The following FGGY variants were observed in gnomAD, a reference collection of about 807,000 sequenced individuals.
The protein encoded by FGGY is FGGY carbohydrate kinase domain-containing protein.
FGGY carries 72 observed loss-of-function variants against 71.3 expected under a neutral mutation model. The observed-to-expected ratio is 1.01, with a 90% CI of 0.84 to 1.23. The LOEUF is 1.23. Among genes scored for constraint, FGGY ranks in the 50% most tolerant of loss-of-function variants. The probability of loss-of-function intolerance (pLI) is 0.00; values close to 1 mark genes in which losing one functional copy is unlikely to be tolerated. For missense variants in FGGY, 668 were observed against 682.3 expected (o/e 0.98, Z 0.23); for synonymous variants, 251 against 250.3 (o/e 1.00, Z -0.02).
chr1:59,561,827 T>C (rs892675729), intron 8 of FGGY, among the ~76,000 whole-genome samples: 1 of 152,102 alleles, frequency 6.6e-6, no homozygotes, highest in African/African-American at 2.4e-5. Context: ...TTCAGCTGTA[T>C]AGCTTCCCTC....
chr1:59,525,773 C>T (rs1206573163), intron 7 of FGGY, among the ~76,000 whole-genome samples: 1 of 152,202 alleles, frequency 6.6e-6, no homozygotes, highest in African/African-American at 2.4e-5. Flanking sequence ...CGTTCATAAA[C>T]TCCCATTTAA....
intron 4 of FGGY, among the ~76,000 whole-genome samples, chr1:59,350,536 C>G (rs138952827): frequency 1.1e-3 from 166 of 152,196 alleles, no homozygotes; most frequent in Middle Eastern, 3.4e-3. Context: ...GTAGGTGAGT[C>G]CCAGGGCATG....
intron 8 of FGGY, among the ~76,000 whole-genome samples, chr1:59,600,607 G>A (rs188068586): frequency 1.5e-4 from 23 of 152,290 alleles, no homozygotes; most frequent in Admixed American, 2.0e-4. Flanking sequence ...CTTTTCCACC[G>A]TCCCAGAAAG....
At chr1:59,340,684 C>T (rs1355351596) in intron 3 of FGGY, among the ~76,000 whole-genome samples, 1 of 152,044 alleles carries the variant, frequency 6.6e-6, no homozygotes, top group African/African-American at 2.4e-5. Flanking sequence ...TAAGGTTGTC[C>T]CTTTTGGGGA....
intron 4 of FGGY, among the ~76,000 whole-genome samples, chr1:59,360,875 C>A (rs1019549001): frequency 2.0e-5 from 3 of 152,142 alleles, no homozygotes; most frequent in African/African-American, 7.2e-5. Context: ...TGGGAACAGT[C>A]TGAGAGACAC....
intron 7 of FGGY, among the ~76,000 whole-genome samples, chr1:59,540,930 C>G (rs973297776): frequency 6.6e-6 from 1 of 152,188 alleles, no homozygotes; most frequent in African/African-American, 2.4e-5. Context: ...ATGTTAAATT[C>G]TACTCCCACC....
At chr1:59,310,095 A>T (rs1359272185) in intron 1 of FGGY, 1 of 152,092 alleles carries the variant, frequency 6.6e-6, no homozygotes, top group African/African-American at 2.4e-5. Context: ...GCATGATCGC[A>T]TGGAGAATGG....
chr1:59,305,984 C>A (rs757905262), intron 1 of FGGY, among the ~76,000 whole-genome samples: 2 of 152,180 alleles, frequency 1.3e-5, no homozygotes, highest in Non-Finnish European at 2.9e-5. Context: ...CTGGGCTTGG[C>A]CTGTGTTCAT....
In FGGY at chr1:59,492,809, C is replaced by T. The variant is rs533461319; in HGVS notation, c.671-19502C>T. Among the ~76,000 whole-genome samples, 80 of 151,952 alleles carry T rather than the reference C, an allele frequency of 5.3e-4. No homozygotes were observed. In the South Asian group the frequency reaches 8.3e-3, roughly 16 times the overall value. On this transcript the variant is annotated intron_variant, in intron 6 of 15. Coordinates refer to ENST00000303721, the MANE Select transcript of FGGY (RefSeq NM_018291.5). ...TCAGCCAGTTTTACTATTTTCAGTC[C>T]CTCTTTACTCTCACTTCTAGAGATA...
intron 11 of FGGY, among the ~76,000 whole-genome samples, chr1:59,639,677 T>A (rs879368993): frequency 1.3e-5 from 2 of 152,230 alleles, no homozygotes; most frequent in African/African-American, 2.4e-5. Context: ...ATTTAAAATG[T>A]TGAAGCAGTT....
chr1:59,544,435 C>T (rs950067961), intron 7 of FGGY, among the ~76,000 whole-genome samples: 3 of 152,106 alleles, frequency 2.0e-5, no homozygotes, highest in Non-Finnish European at 2.9e-5. Flanking sequence ...AGGGAGGGCA[C>T]CTCTCACATG....
intron 6 of FGGY, among the ~76,000 whole-genome samples, chr1:59,510,476 A>T (rs1052810625): frequency 5.3e-5 from 8 of 152,182 alleles, no homozygotes; most frequent in African/African-American, 1.9e-4. Flanking sequence ...AAAGCCAAGG[A>T]CACTGCTCTC....
chr1:59,410,596 A>G lies in FGGY; in HGVS notation c.554+31759A>G, dbSNP rs115080676. The stretch of plus-strand genomic sequence containing the variant: ...GGTGTTAAAGAACATTGATGCCCAT[A>G]GTGAAAAAGTAATTCCCTTTCACTT... On this transcript the variant is annotated intron_variant, in intron 5 of 15. Coordinates refer to ENST00000303721, the MANE Select transcript of FGGY (RefSeq NM_018291.5). Among the ~76,000 whole-genome samples, 1,113 of 148,272 alleles carry G rather than the reference A, an allele frequency of 7.5e-3. 22 individuals carry two copies. The highest frequency in any genetic ancestry group is 0.025 in the African/African-American group (1,048 of 41,492).
chr1:59,501,533 A>G (rs2094222661), intron 6 of FGGY, among the ~76,000 whole-genome samples: 1 of 152,216 alleles, frequency 6.6e-6, no homozygotes, highest in Non-Finnish European at 1.5e-5. Context: ...TTTTCCTAGA[A>G]GTGGGGTAAC....
At chr1:59,698,396 C>T (rs1185475752) in intron 14 of FGGY, among the ~76,000 whole-genome samples, 1 of 151,950 alleles carries the variant, frequency 6.6e-6, no homozygotes, top group Non-Finnish European at 1.5e-5. Flanking sequence ...CAGTACCTAG[C>T]ATTATGCCCA....
At chr1:59,462,165 C>T (rs1186861202) in intron 6 of FGGY, among the ~76,000 whole-genome samples, 2 of 152,136 alleles carry the variant, frequency 1.3e-5, no homozygotes, top group African/African-American at 2.4e-5. Context: ...ATATCTACAA[C>T]TATCTGATCT....
At chr1:59,570,274 C>T (rs1226487324) in intron 8 of FGGY, among the ~76,000 whole-genome samples, 1 of 152,182 alleles carries the variant, frequency 6.6e-6, no homozygotes, top group Non-Finnish European at 1.5e-5. Context: ...TATATCTTTA[C>T]TTCATTGTTT....
At chr1:59,729,984 C>G (rs866069232) in intron 14 of FGGY, among the ~76,000 whole-genome samples, 13 of 152,300 alleles carry the variant, frequency 8.5e-5, no homozygotes, top group Admixed American at 3.3e-4. Context: ...TTTCCCTCCC[C>G]CTGCCAGAGC....
intron 6 of FGGY, among the ~76,000 whole-genome samples, chr1:59,480,648 C>T (rs2093435787): frequency 6.6e-6 from 1 of 152,052 alleles, no homozygotes; most frequent in Admixed American, 6.6e-5. Flanking sequence ...TGGAGTCCCA[C>T]CTTCAATGAG....
Sources: gnomAD v4.1 joint callset for allele counts (sites outside exome capture counted in the v4.1 genomes callset) on GRCh38, gnomAD v4.1.1 for gene constraint, MANE v1.5 for transcripts, NCBI Gene and HGNC (gene_info 2026-07-23, HGNC 2026-07-21) for gene names.